KIRREL3: variants seen among roughly 807,000 people sequenced by gnomAD.
KIRREL3 encodes the protein kirre like nephrin family adhesion molecule 3, also known as kin of IRRE-like protein 3.
KIRREL3 carries 36 observed loss-of-function variants against 89.7 expected under a neutral mutation model. The observed-to-expected ratio is 0.40, with a 90% confidence interval of 0.31 to 0.53. The LOEUF is 0.53. Among genes scored for constraint, KIRREL3 ranks in the 20% least tolerant of loss-of-function variants. KIRREL3 has a pLI of 0.49. For missense variants in KIRREL3, 864 were observed against 1,056.6 expected, an observed-to-expected ratio of 0.82 and a Z score of 2.53; for synonymous variants, 445 against 441.4, an observed-to-expected ratio of 1.01 and a Z score of -0.10.
intron 15 of KIRREL3, among the ~76,000 whole-genome samples, chr11:126,426,246 T>G (rs569395571): frequency 6.6e-6 from 1 of 152,026 alleles, no homozygotes; most frequent in Admixed American, 6.5e-5. Flanking sequence ...CCTTAGGGAG[T>G]CACAAGGAAT....
intron 1 of KIRREL3, among the ~76,000 whole-genome samples, chr11:126,862,717 G>A (rs960868316): frequency 6.6e-5 from 10 of 152,170 alleles, no homozygotes; most frequent in Admixed American, 1.3e-4. Flanking sequence ...ACTCCATCAG[G>A]CCTCATTATT....
chr11:126,770,482 A>C (rs899677071), intron 1 of KIRREL3, among the ~76,000 whole-genome samples: 2 of 152,194 alleles, frequency 1.3e-5, no homozygotes, highest in African/African-American at 4.8e-5. Flanking sequence ...TGAATAGATA[A>C]TAATTGTCTG....
At chr11:126,765,796 C>T (rs1300070900) in intron 1 of KIRREL3, among the ~76,000 whole-genome samples, 1 of 152,158 alleles carries the variant, frequency 6.6e-6, no homozygotes, top group Admixed American at 6.5e-5. Context: ...TGCAGCCTAG[C>T]TGAAAAGTGA....
At chr11:126,869,853 A>G (rs971841753) in intron 1 of KIRREL3, among the ~76,000 whole-genome samples, 7 of 152,198 alleles carry the variant, frequency 4.6e-5, no homozygotes, top group Admixed American at 3.9e-4. Flanking sequence ...CCTCTGTGCA[A>G]AGGCAAAGCT....
rs912255670 is a variant in KIRREL3 at position 126,492,765 on chromosome 11, G to A, written c.434-19299C>T. Among the ~76,000 whole-genome samples, 3 of 152,164 alleles carry A rather than the reference G, an allele frequency of 2.0e-5. No homozygotes were observed. Among genetic ancestry groups the A allele is most frequent in the Admixed American group, 1.3e-4 (2 of 15,272 alleles). On this transcript the variant is annotated intron_variant, in intron 4 of 16. Transcript: ENST00000525144. This position sits in a 1 kb window ranked among gnomAD's most constrained non-coding sequence, Gnocchi z 4.8. ...GGGGGCTCTGAGCTGGACCGTGCAG[G>A]GAGGACTGGCTTCTTACCTGCCCCG...
intron 5 of KIRREL3, among the ~76,000 whole-genome samples, chr11:126,472,530 T>C (rs528515482): frequency 6.6e-6 from 1 of 152,240 alleles, no homozygotes; most frequent in Non-Finnish European, 1.5e-5. Flanking sequence ...CTCCTCATAC[T>C]TGGGGGTTAG....
At chr11:126,481,290 C>G (rs59539128) in intron 4 of KIRREL3, among the ~76,000 whole-genome samples, 13,489 of 152,240 alleles carry the variant, frequency 0.089, 1,963 homozygotes, top group African/African-American at 0.3. Context: ...CTTCCCACCC[C>G]TTAAATGCTG....
rs1240459046 is a variant in KIRREL3, at chr11:126,768,626, C to T, written c.56-205714G>A. On this transcript the variant is annotated intron_variant, in intron 1 of 16. Coordinates refer to ENST00000525144, the MANE Select transcript of KIRREL3 (RefSeq NM_032531.4). The surrounding 1 kb of genome is among the most constrained non-coding windows in gnomAD (Gnocchi z 4.5). ...CTTTGGATGGGGTAGTCAGGATGGACTCTTGGAGGATGTGACCTTTGGGCT... is the reference window on the plus strand; with the variant it reads ...CTTTGGATGGGGTAGTCAGGATGGATTCTTGGAGGATGTGACCTTTGGGCT... Among the ~76,000 whole-genome samples, 1 of 152,176 alleles carries T rather than the reference C, an allele frequency of 6.6e-6. No individual in the cohort carries two copies. The highest frequency in any genetic ancestry group is 2.4e-5 in the African/African-American group (1 of 41,432).
intron 1 of KIRREL3, among the ~76,000 whole-genome samples, chr11:126,911,081 AAG>A (rs1946797321): frequency 6.6e-6 from 1 of 152,192 alleles, no homozygotes; most frequent in African/African-American, 2.4e-5. Flanking sequence ...GTTGGCACAG[AAG>A]AGAGCAGGAG....
rs772974338 is a variant in KIRREL3 at position 126,900,225 on chromosome 11, G to A, written c.55+100230C>T. On this transcript the variant is annotated intron_variant, in intron 1 of 16. Transcript: ENST00000525144. This position sits in a 1 kb window ranked among gnomAD's most constrained non-coding sequence, Gnocchi z 4.4. ...GCAAGTCACCTACTACTAGAACATC[G>A]GCCCTTCAGTTTTGGATCACTTGAA... Among the ~76,000 whole-genome samples, 12 of 152,010 alleles carry A rather than the reference G, an allele frequency of 7.9e-5. No individual in the cohort carries two copies. Among genetic ancestry groups the A allele is most frequent in the African/African-American group, 2.2e-4 (9 of 41,394 alleles).
chr11:126,521,676 ATGTGTGTGTGTGTGTGTGTG>A lies in KIRREL3; in HGVS notation c.284-232_284-213del, dbSNP rs55838363. On this transcript the variant is annotated intron_variant, in intron 3 of 16. Transcript: ENST00000525144. This position sits in a 1 kb window ranked among gnomAD's most constrained non-coding sequence, Gnocchi z 4.1. ...GTTGGTTCTCTCTCTCTCTCTCTGTATGTGTGTGTGTGTGTGTGTGTGTGTGTGTGTGTGTGTGTGTGTGT... is the reference window on the plus strand; with the variant it reads ...GTTGGTTCTCTCTCTCTCTCTCTGTATGTGTGTGTGTGTGTGTGTGTGTGT... Among the ~76,000 whole-genome samples, 19,198 of 143,408 alleles carry A rather than the reference ATGTGTGTGTGTGTGTGTGTG, an allele frequency of 0.13. 1,516 individuals are homozygous for A. The highest frequency in any genetic ancestry group is 0.17 in the Admixed American group (2,526 of 14,472). The allele number at this position is 143,408 out of a possible 152,430, so 94.1% of individuals were successfully genotyped here.
Position 126,424,655 on chromosome 11 carries a change from G to A in KIRREL3, c.2262C>T (p.Ser754=), listed in dbSNP as rs371869106. The change falls in exon 17 of 17, where the codon TCC becomes TCT. Residue 754 remains serine (S), a synonymous_variant. Transcript: ENST00000525144. ...TCTGGGACGAGGACTGGGAGTGGTGGGAGGAGGAAGCAGAAGCCTTGCTGG... is the reference window on the plus strand; with the variant it reads ...TCTGGGACGAGGACTGGGAGTGGTGAGAGGAGGAAGCAGAAGCCTTGCTGG... ...DKASKASASS[S]HHSQSSSQNS... 2.1e-5 allele frequency: 34 copies of A among 1,613,938 alleles called. No individual in the cohort carries two copies. The highest frequency in any genetic ancestry group is 3.3e-4 in the Middle Eastern group (2 of 6,084).
intron 1 of KIRREL3, among the ~76,000 whole-genome samples, chr11:126,854,093 C>T (rs1335908666): frequency 2.7e-5 from 4 of 149,610 alleles, no homozygotes; most frequent in Admixed American, 2.7e-4. Flanking sequence ...CTCCTGTTAA[C>T]ATATGGCCTA....
chr11:126,530,384 C>A lies in KIRREL3; in HGVS notation c.134-3697G>T, dbSNP rs1407295639. The stretch of plus-strand genomic sequence containing the variant: ...ACAGGCATGAGCCACCATGCCTGGC[C>A]TCTACTTGCTTTATTTTCCCCATTT... On this transcript the variant is annotated intron_variant, in intron 2 of 16. Transcript: ENST00000525144. The surrounding 1 kb of genome is among the most constrained non-coding windows in gnomAD (Gnocchi z 5.8). Among the ~76,000 whole-genome samples, 1 of 152,200 alleles carries A rather than the reference C, an allele frequency of 6.6e-6. No homozygotes were observed. Among genetic ancestry groups the A allele is most frequent in the African/African-American group, 2.4e-5 (1 of 41,442 alleles).
rs372436544 is a variant in KIRREL3, at chr11:126,755,065, TA to T, written c.56-192154del. The stretch of plus-strand genomic sequence containing the variant: ...CCCAGATAAGAGTATCTTAATCAAA[TA>T]AAAAAAGCATTAGGCTTTAATCTCC... On this transcript the variant is annotated intron_variant, in intron 1 of 16. Transcript: ENST00000525144. The surrounding 1 kb of genome is among the most constrained non-coding windows in gnomAD (Gnocchi z 4.3). 2.7e-3 allele frequency among the ~76,000 whole-genome samples: 411 copies of T among 152,196 alleles called. 1 individual carries two copies. The highest frequency in any genetic ancestry group is 9.7e-3 in the African/African-American group (404 of 41,538).
At chr11:126,959,624 C>T (rs925773842) in intron 1 of KIRREL3, among the ~76,000 whole-genome samples, 2 of 152,230 alleles carry the variant, frequency 1.3e-5, no homozygotes, top group Non-Finnish European at 2.9e-5. Context: ...ATTCAGCCAT[C>T]ATCTCGGTAT....
chr11:126,741,516 A>G (rs1948981960), intron 1 of KIRREL3, among the ~76,000 whole-genome samples: 1 of 152,226 alleles, frequency 6.6e-6, no homozygotes, highest in Non-Finnish European at 1.5e-5. Context: ...ATCTAACCAG[A>G]GTTCAACAAA....
In KIRREL3 at chr11:126,697,261, G is replaced by T. The variant is rs201246349; in HGVS notation, c.56-134349C>A. The stretch of plus-strand genomic sequence containing the variant: ...GGAGATGACAGGACTACAAGAAGGC[G>T]GGACTTCCTCTATTGCCCTAGGCCC... On this transcript the variant is annotated intron_variant, in intron 1 of 16. Coordinates refer to ENST00000525144, the MANE Select transcript of KIRREL3 (RefSeq NM_032531.4). This position sits in a 1 kb window ranked among gnomAD's most constrained non-coding sequence, Gnocchi z 4.2. Among the ~76,000 whole-genome samples the T allele has an allele frequency of 6.6e-6, 1 of 152,224 alleles. No homozygotes were observed. The highest frequency in any genetic ancestry group is 1.9e-4 in the East Asian group (1 of 5,196).
rs968507476 is a variant in KIRREL3 at position 126,719,812 on chromosome 11, A to C, written c.56-156900T>G. Among the ~76,000 whole-genome samples the C allele has an allele frequency of 2.0e-5, 3 of 152,210 alleles. No homozygotes were observed. The East Asian group carries it at 5.8e-4, about 29-fold the overall frequency. ...CTGGTCCAAGACAGCATCACCTTGC[A>C]TCTGTTGAGGCTCCTGAGAGACGCC... On this transcript the variant is annotated intron_variant, in intron 1 of 16. Coordinates refer to ENST00000525144, the MANE Select transcript of KIRREL3 (RefSeq NM_032531.4). This position sits in a 1 kb window ranked among gnomAD's most constrained non-coding sequence, Gnocchi z 4.7.
Sources: gnomAD v4.1 joint callset for allele counts (sites outside exome capture counted in the v4.1 genomes callset) on GRCh38, gnomAD v4.1.1 for gene constraint, Gnocchi (gnomAD v3.1) non-coding constraint, MANE v1.5 for transcripts, NCBI Gene and HGNC (gene_info 2026-07-23, HGNC 2026-07-21) for gene names.